The following USP15 variants were observed in gnomAD, a reference collection of about 807,000 sequenced individuals.
The protein encoded by USP15 is ubiquitin specific peptidase 15.
In USP15, 18 loss-of-function variants were observed where a neutral mutation model predicts 127.1. The observed-to-expected ratio is 0.14, with a 90% CI of 0.10 to 0.21. The LOEUF is 0.21. Ranked by LOEUF, USP15 falls within the 10% of genes least tolerant of loss-of-function variation. USP15 has a pLI of 1.00. For synonymous variants in USP15, 364 were observed against 393.7 expected, an observed-to-expected ratio of 0.92 and a Z score of 0.89; for missense variants, 805 against 1,159.9, an observed-to-expected ratio of 0.69 and a Z score of 4.44.
In USP15 at chr12:62,389,714, C is replaced by G; in HGVS notation, c.1652+15C>G. 1 of 1,602,364 alleles carries G rather than the reference C, an allele frequency of 6.2e-7. No individual in the cohort carries two copies. Among genetic ancestry groups the G allele is most frequent in the South Asian group, 1.1e-5 (1 of 88,782 alleles). On this transcript the variant is annotated intron_variant, in intron 13 of 21. Transcript: ENST00000280377. ...GATATTTATGTGTAAGTATAAAACT[C>G]ATTGTGCAAAATATTACTTGAAAAA...
intron 3 of USP15, chr12:62,305,024 G>T (rs1400016734): frequency 5.7e-6 from 1 of 173,934 alleles, no homozygotes; most frequent in East Asian, 1.6e-4. Flanking sequence ...CTAAAGCTTA[G>T]AGAGACAAAA....
At chr12:62,387,316 A>T (rs1288505874) in intron 11 of USP15, among the ~76,000 whole-genome samples, 1 of 152,218 alleles carries the variant, frequency 6.6e-6, no homozygotes, top group African/African-American at 2.4e-5. Context: ...AACTCTTGAA[A>T]ATAGAAGGGA....
intron 11 of USP15, among the ~76,000 whole-genome samples, chr12:62,387,506 G>A (rs1276479775): frequency 6.6e-6 from 1 of 152,082 alleles, no homozygotes; most frequent in African/African-American, 2.4e-5. Flanking sequence ...CAATAGAAAA[G>A]AATTAAAAGT....
chr12:62,356,472 T>A (rs2066134503), intron 8 of USP15, among the ~76,000 whole-genome samples: 1 of 151,988 alleles, frequency 6.6e-6, no homozygotes, highest in Non-Finnish European at 1.5e-5. Flanking sequence ...ACCATTGCCT[T>A]TATAGCATTC....
intron 1 of USP15, among the ~76,000 whole-genome samples, chr12:62,267,772 A>G (rs1357232773): frequency 3.3e-5 from 5 of 152,248 alleles, no homozygotes; most frequent in Non-Finnish European, 7.4e-5. Flanking sequence ...CTAAGTTTAG[A>G]GCCAGTTAAA....
At chr12:62,292,216 C>T (rs752329389) in intron 1 of USP15, among the ~76,000 whole-genome samples, 1 of 152,128 alleles carries the variant, frequency 6.6e-6, no homozygotes, top group Non-Finnish European at 1.5e-5. Context: ...GTGATGTTTC[C>T]CTCTCACACT....
At chr12:62,301,736 T>C (rs1039506960) in intron 2 of USP15, among the ~76,000 whole-genome samples, 4 of 152,188 alleles carry the variant, frequency 2.6e-5, no homozygotes, top group African/African-American at 9.6e-5. Context: ...TCTTAATCCC[T>C]CAGGTTTTTT....
In USP15 at chr12:62,409,903, A is replaced by G. The variant is rs1394700358; in HGVS notation, c.*5528A>G. 1 of 152,012 alleles carries G rather than the reference A, an allele frequency of 6.6e-6. No individual in the cohort carries two copies. Among genetic ancestry groups the G allele is most frequent in the Non-Finnish European group, 1.5e-5 (1 of 67,964 alleles). The allele number at this position is 152,012 out of a possible 1,614,324, so 9.4% of individuals were successfully genotyped here. A position where few individuals can be genotyped will look rare whatever the true frequency, so the allele number is the denominator to read the frequency against. On this transcript the variant is annotated 3_prime_UTR_variant, in exon 22 of 22. Coordinates refer to ENST00000280377, the MANE Select transcript of USP15 (RefSeq NM_001252078.2). ...AGTCTCTCATTAAAATTTTTTTTTA[A>G]TAGTATTTGCTTTTCTTTTAAACTC...
chr12:62,370,200 G>T (rs2066618313), intron 8 of USP15, among the ~76,000 whole-genome samples: 1 of 152,092 alleles, frequency 6.6e-6, no homozygotes, highest in African/African-American at 2.4e-5. Flanking sequence ...CAAAGTGCTG[G>T]GATTACAGGC....
intron 1 of USP15, among the ~76,000 whole-genome samples, chr12:62,291,576 C>T (rs2063968928): frequency 6.6e-6 from 1 of 152,078 alleles, no homozygotes; most frequent in Non-Finnish European, 1.5e-5. Context: ...ATCGTAACAC[C>T]CTGTTTTTTC....
intron 1 of USP15, among the ~76,000 whole-genome samples, chr12:62,272,420 A>G (rs2063364062): frequency 1.3e-5 from 2 of 152,006 alleles, no homozygotes; most frequent in South Asian, 4.1e-4. Flanking sequence ...AGGAACATTT[A>G]TCTGAAAATT....
In USP15 at chr12:62,265,463, G is replaced by A. The variant is rs185010921; in HGVS notation, c.89+4960G>A. 3.8e-3 allele frequency among the ~76,000 whole-genome samples: 577 copies of A among 152,294 alleles called. 3 individuals are homozygous for A. The highest frequency in any genetic ancestry group is 0.014 in the Middle Eastern group (4 of 294). ...AGGCTCAAAAAGGTTTTCACATAGT[G>A]GTATAGCTGGGATTTGAACCCAAGT... On this transcript the variant is annotated intron_variant, in intron 1 of 21. Transcript: ENST00000280377.
chr12:62,388,666 T>C (rs1301189911), intron 11 of USP15, among the ~76,000 whole-genome samples: 1 of 152,174 alleles, frequency 6.6e-6, no homozygotes, highest in Admixed American at 6.5e-5. Context: ...AGGTTCGTGA[T>C]AAAGCATGTA....
At chr12:62,314,046 T>C in intron 3 of USP15, 1 of 886,806 alleles carries the variant, frequency 1.1e-6, no homozygotes, top group Non-Finnish European at 1.4e-6. Flanking sequence ...TCGAAAGGAA[T>C]TATACTTATT....
chr12:62,283,976 C>T (rs367817835), intron 1 of USP15, among the ~76,000 whole-genome samples: 4 of 152,044 alleles, frequency 2.6e-5, no homozygotes, highest in African/African-American at 9.7e-5. Context: ...TTCTATGCAT[C>T]AACTACAAGC....
chr12:62,301,260 T>A (rs926050044), intron 2 of USP15, among the ~76,000 whole-genome samples: 25 of 152,162 alleles, frequency 1.6e-4, no homozygotes, highest in Non-Finnish European at 1.3e-4. Context: ...ATAAAAGCAC[T>A]TCAGAAAATA....
At chr12:62,267,001 A>G (rs1478978466) in intron 1 of USP15, among the ~76,000 whole-genome samples, 1 of 152,130 alleles carries the variant, frequency 6.6e-6, no homozygotes, top group African/African-American at 2.4e-5. Flanking sequence ...TAGTATTAAA[A>G]ATGGTTTTAT....
intron 6 of USP15, among the ~76,000 whole-genome samples, chr12:62,329,414 A>T (rs1412692791): frequency 6.6e-6 from 1 of 152,156 alleles, no homozygotes; most frequent in Non-Finnish European, 1.5e-5. Context: ...AATTTTGGAG[A>T]ATAACTACAT....
intron 17 of USP15, 108 bp from the exon 18 acceptor site, chr12:62,392,164 T>G (rs966913908): frequency 7.5e-6 from 6 of 803,422 alleles, no homozygotes; most frequent in Non-Finnish European, 1.2e-5. Context: ...GCTTTATGAT[T>G]CTTTTGAGAA....
Sources: gnomAD v4.1 joint callset for allele counts (sites outside exome capture counted in the v4.1 genomes callset) on GRCh38, gnomAD v4.1.1 for gene constraint, MANE v1.5 for transcripts, NCBI Gene and HGNC (gene_info 2026-07-23, HGNC 2026-07-21) for gene names.